The following TMEM131 variants were observed in gnomAD, a reference collection of about 807,000 sequenced individuals.
TMEM131 encodes transmembrane protein 131.
TMEM131 carries 66 observed loss-of-function variants against 211.6 expected under a neutral mutation model. The observed-to-expected ratio is 0.31, with a 90% confidence interval of 0.26 to 0.38. TMEM131 has a LOEUF of 0.38. Ranked by LOEUF, TMEM131 falls within the 10% of genes least tolerant of loss-of-function variation. The pLI is 1.00. For synonymous variants in TMEM131, 844 were observed against 841.3 expected (o/e 1.00, Z -0.06); for missense variants, 2,036 against 2,299.3 (o/e 0.89, Z 2.34).
chr2:97,923,600 T>C, intron 2 of TMEM131, among the ~76,000 whole-genome samples: 1 of 117,642 alleles, frequency 8.5e-6, no homozygotes. Context: ...CCAGCATGGG[T>C]AACAGAGCAA....
rs576942442 is a variant in TMEM131, at chr2:97,994,472, A to G, written c.187+1004T>C. 1.8e-4 allele frequency among the ~76,000 whole-genome samples: 28 copies of G among 152,396 alleles called. 1 individual carries two copies. The South Asian group carries it at 5.8e-3, about 32-fold the overall frequency. ...TTTGTATTTGCTTTCACCTTCAGCA[A>G]CAATAAAAAGCAAGTGACTTTAGTC... On this transcript the variant is annotated intron_variant, in intron 1 of 40. Transcript: ENST00000186436.
chr2:97,842,667 T>C (rs139646504), intron 6 of TMEM131, among the ~76,000 whole-genome samples: 85 of 152,052 alleles, frequency 5.6e-4, no homozygotes, highest in African/African-American at 2.0e-3. Context: ...ACTGGAGATA[T>C]ATTTGGTGAA....
chr2:97,984,636 T>C (rs1243083248), intron 1 of TMEM131, among the ~76,000 whole-genome samples: 1 of 151,756 alleles, frequency 6.6e-6, no homozygotes, highest in Non-Finnish European at 1.5e-5. Flanking sequence ...GGAAATTAAA[T>C]GTGAGAACTT....
chr2:97,826,469 G>T (rs1041423540), intron 11 of TMEM131, among the ~76,000 whole-genome samples: 1 of 152,134 alleles, frequency 6.6e-6, no homozygotes, highest in Non-Finnish European at 1.5e-5. Context: ...GTCTCACACC[G>T]CCGAAGCCAT....
At chr2:97,930,403 A>T (rs1677169873) in intron 1 of TMEM131, among the ~76,000 whole-genome samples, 1 of 151,828 alleles carries the variant, frequency 6.6e-6, no homozygotes, top group African/African-American at 2.4e-5. Flanking sequence ...CTTTAAAAAT[A>T]TATAAAAATT....
intron 11 of TMEM131, chr2:97,827,229 C>G: frequency 1.3e-6 from 1 of 754,662 alleles, no homozygotes; most frequent in Non-Finnish European, 2.4e-6. Flanking sequence ...ACCTGGCACG[C>G]GCCTTCCCCG....
At chr2:97,782,811 A>G (rs2104846337) in intron 31 of TMEM131, among the ~76,000 whole-genome samples, 1 of 152,244 alleles carries the variant, frequency 6.6e-6, no homozygotes, top group East Asian at 1.9e-4. Flanking sequence ...AAAAAAGAAC[A>G]GAGCTTCAGG....
intron 2 of TMEM131, among the ~76,000 whole-genome samples, chr2:97,924,662 C>A (rs558602287): frequency 6.6e-6 from 1 of 152,146 alleles, no homozygotes; most frequent in Non-Finnish European, 1.5e-5. Flanking sequence ...TAGGAAAGTA[C>A]CTGTCACCAG....
rs35113797 is a variant in TMEM131, at chr2:97,852,161, CT to C, written c.483+7142del. On this transcript the variant is annotated intron_variant, in intron 5 of 40. Coordinates refer to ENST00000186436, the MANE Select transcript of TMEM131 (RefSeq NM_015348.2). The stretch of plus-strand genomic sequence containing the variant: ...AAGAGCTAAGCAGCCACGGCATTCT[CT>C]TTTTTTTTTTTTTTTTTTGAGATGG... Among the ~76,000 whole-genome samples the C allele has an allele frequency of 8.9e-3, 1,146 of 129,238 alleles. 10 individuals carry two copies. Among genetic ancestry groups the C allele is most frequent in the East Asian group, 0.043 (199 of 4,616 alleles). 84.8% of individuals were successfully genotyped at this position (129,238 alleles called of 152,430 possible).
chr2:97,797,984 CCTGCCA>C (rs2104908988), intron 25 of TMEM131, among the ~76,000 whole-genome samples: 1 of 152,332 alleles, frequency 6.6e-6, no homozygotes, highest in African/African-American at 2.4e-5. Context: ...CCTCAGGCCT[CCTGCCA>C]CTGCCACGCC....
chr2:97,879,928 G>A lies in TMEM131; in HGVS notation c.359+8124C>T, dbSNP rs557305366. ...AACTACGCAGTGTGGTGGGGAGTCC[G>A]TGCCCCTAACCTGCCATGTTGTTAA... On this transcript the variant is annotated intron_variant, in intron 4 of 40. Transcript: ENST00000186436. 7.2e-5 allele frequency among the ~76,000 whole-genome samples: 11 copies of A among 152,234 alleles called. No individual in the cohort carries two copies. The South Asian group carries it at 1.2e-3, about 17-fold the overall frequency.
rs1419058014 is a variant in TMEM131 at position 97,811,200 on chromosome 2, G to A, written c.1896C>T (p.Phe632=). 1 of 1,613,680 alleles carries A rather than the reference G, an allele frequency of 6.2e-7. No individual in the cohort carries two copies. Among genetic ancestry groups the A allele is most frequent in the East Asian group, 2.2e-5 (1 of 44,858 alleles). ...ATTTTTTTGCAGTAAGTTTGACTCT[G>A]AAGACTGCAAAATAGCCTGAAGCTA... ...VTLASGYFAV[F]RVKLTAKKLE... is the part of the protein sequence containing the mutation. The change falls in exon 18 of 41, where the codon TTC becomes TTT. Residue 632 remains phenylalanine, a synonymous_variant. Coordinates refer to ENST00000186436, the MANE Select transcript of TMEM131 (RefSeq NM_015348.2).
chr2:97,933,027 T>C (rs1390822527), intron 1 of TMEM131, among the ~76,000 whole-genome samples: 1 of 152,222 alleles, frequency 6.6e-6, no homozygotes, highest in African/African-American at 2.4e-5. Flanking sequence ...GTATTCAGTA[T>C]AGTAACATGT....
intron 33 of TMEM131, among the ~76,000 whole-genome samples, chr2:97,769,880 T>C (rs1400106347): frequency 6.6e-6 from 1 of 152,168 alleles, no homozygotes; most frequent in African/African-American, 2.4e-5. Context: ...TTAGATCAGA[T>C]TTCTGTTGCT....
chr2:97,924,308 G>A (rs181850600), intron 2 of TMEM131, among the ~76,000 whole-genome samples: 26 of 152,138 alleles, frequency 1.7e-4, no homozygotes, highest in Admixed American at 7.9e-4. Flanking sequence ...ACTTGGGCCC[G>A]GGAGGTCAAG....
chr2:97,922,868 T>C (rs576525245), intron 2 of TMEM131, among the ~76,000 whole-genome samples: 16 of 152,152 alleles, frequency 1.1e-4, no homozygotes, highest in Non-Finnish European at 1.9e-4. Flanking sequence ...AATTTAAGCA[T>C]CTATATGTAA....
In TMEM131 at chr2:97,775,826, G is replaced by C; in HGVS notation, c.4320+17C>G. Reference sequence around the variant, plus strand: ...CTCTTTCTCCCTCGTGTTTTGTTGTGTGAGATCAGCCCGTACCTCCTTGAG... The same window carrying C: ...CTCTTTCTCCCTCGTGTTTTGTTGTCTGAGATCAGCCCGTACCTCCTTGAG... On this transcript the variant is annotated intron_variant, in intron 32 of 40. Coordinates refer to ENST00000186436, the MANE Select transcript of TMEM131 (RefSeq NM_015348.2). 2 of 1,602,496 alleles carry C rather than the reference G, an allele frequency of 1.2e-6. No homozygotes were observed. Among genetic ancestry groups the C allele is most frequent in the Non-Finnish European group, 1.7e-6 (2 of 1,176,140 alleles).
intron 1 of TMEM131, among the ~76,000 whole-genome samples, chr2:97,959,284 T>C (rs1380071078): frequency 6.6e-6 from 1 of 152,094 alleles, no homozygotes; most frequent in Non-Finnish European, 1.5e-5. Flanking sequence ...TCTGTTTCAA[T>C]GAGCTAAGAT....
At chr2:97,766,874 A>G (rs1679193242) in intron 33 of TMEM131, among the ~76,000 whole-genome samples, 1 of 152,162 alleles carries the variant, frequency 6.6e-6, no homozygotes, top group African/African-American at 2.4e-5. Flanking sequence ...AATAATACGT[A>G]ACGTGAGGGA....
Sources: allele counts gnomAD v4.1 joint callset (sites outside exome capture counted in the v4.1 genomes callset), GRCh38; gene constraint gnomAD v4.1.1; transcripts MANE v1.5; gene names NCBI Gene and HGNC (gene_info 2026-07-23, HGNC 2026-07-21).